Variants in ARHGEF7 observed in about 807,000 individuals in gnomAD.
ARHGEF7 encodes PAK-interacting exchange factor beta.
A neutral mutation model predicts 109.8 loss-of-function variants in ARHGEF7; 33 were observed. That is an observed-to-expected ratio of 0.30 (90% CI 0.23 to 0.40). The LOEUF is 0.40. ARHGEF7 is among the 10% of genes least tolerant of loss of function. The pLI is 1.00. For missense variants in ARHGEF7, 938 were observed against 1,098.5 expected, an observed-to-expected ratio of 0.85 and a Z score of 2.07; for synonymous variants, 458 against 424.6, an observed-to-expected ratio of 1.08 and a Z score of -0.97.
rs72670008 is a variant in ARHGEF7, at chr13:111,120,406, C to T, written c.165+4715C>T. Among the ~76,000 whole-genome samples the T allele has an allele frequency of 1.0e-3, 157 of 152,334 alleles. 1 individual carries two copies. Among genetic ancestry groups the T allele is most frequent in the Admixed American group, 1.7e-3 (26 of 15,306 alleles). On this transcript the variant is annotated intron_variant, in intron 1 of 21. Transcript: ENST00000646102. Reference sequence around the variant, plus strand: ...ACACTTGCACATGCATGTGCACACACGAACTTATGCACACACGCATGCATG... The same window carrying T: ...ACACTTGCACATGCATGTGCACACATGAACTTATGCACACACGCATGCATG...
At chr13:111,132,871 G>A (rs2074835215) in intron 1 of ARHGEF7, among the ~76,000 whole-genome samples, 1 of 151,798 alleles carries the variant, frequency 6.6e-6, no homozygotes, top group African/African-American at 2.4e-5. Context: ...GTTATTGGGA[G>A]TAGGGGTAGG....
intron 1 of ARHGEF7, among the ~76,000 whole-genome samples, chr13:111,133,221 G>A (rs2074871961): frequency 6.6e-6 from 1 of 151,680 alleles, no homozygotes; most frequent in Non-Finnish European, 1.5e-5. Context: ...GTATATATGT[G>A]TGCATTATAT....
rs140255792 is a variant in ARHGEF7, at chr13:111,283,321, C to T, written c.1908C>T (p.Pro636=). The T allele has an allele frequency of 2.0e-4, 318 of 1,561,848 alleles. No individual in the cohort carries two copies. In the African/African-American group the frequency reaches 3.5e-3, roughly 17 times the overall value. Residue 636 remains proline (P), a synonymous_variant, in exon 16 of 22, where the codon CCC becomes CCT. Coordinates refer to ENST00000646102, the MANE Select transcript of ARHGEF7 (RefSeq NM_001354046.2). ...PKPWSLSCLR[P]APPLRPSAAL... is the part of the protein sequence containing the mutation. ...CCTGGAGCCTGAGCTGCCTGCGGCCCGCGCCTCCCCTCCGGCCCTCAGCTG... is the reference window on the plus strand; with the variant it reads ...CCTGGAGCCTGAGCTGCCTGCGGCCTGCGCCTCCCCTCCGGCCCTCAGCTG...
intron 2 of ARHGEF7, 82 bp from the exon 3 acceptor site, chr13:111,205,207 G>A (rs1345088220): frequency 1.9e-6 from 2 of 1,072,860 alleles, no homozygotes; most frequent in Admixed American, 2.5e-5. Context: ...GCTGAGCATC[G>A]TCGCGTTGCT....
At chr13:111,188,368 C>T (rs1438174481) in intron 2 of ARHGEF7, among the ~76,000 whole-genome samples, 2 of 152,198 alleles carry the variant, frequency 1.3e-5, no homozygotes, top group South Asian at 2.1e-4. Flanking sequence ...GTTGTTTGGG[C>T]CACTGAGTTT....
At chr13:111,115,288 C>T (rs2066656519), upstream of ARHGEF7, 2 of 150,254 alleles carry the variant, frequency 1.3e-5, no homozygotes, top group Admixed American at 1.4e-4. Context: ...CGGCCGAGGC[C>T]GGGGGGCGGC....
chr13:111,179,800 A>G (rs2078561930), intron 2 of ARHGEF7, among the ~76,000 whole-genome samples: 1 of 152,204 alleles, frequency 6.6e-6, no homozygotes, highest in Non-Finnish European at 1.5e-5. Context: ...CAGTCTGGAC[A>G]TGATTTGGTT....
At chr13:111,202,078 T>C (rs1463427091) in intron 2 of ARHGEF7, among the ~76,000 whole-genome samples, 1 of 152,194 alleles carries the variant, frequency 6.6e-6, no homozygotes, top group Non-Finnish European at 1.5e-5. Flanking sequence ...CTATTGCACA[T>C]TTAATTCACT....
At chr13:111,261,228 C>G (rs1386280329) in intron 8 of ARHGEF7, among the ~76,000 whole-genome samples, 1 of 151,326 alleles carries the variant, frequency 6.6e-6, no homozygotes, top group Non-Finnish European at 1.5e-5. Flanking sequence ...AGACAAAAAA[C>G]CCAATGATCT....
At chr13:111,296,465 G>T (rs1595617582) in intron 19 of ARHGEF7, among the ~76,000 whole-genome samples, 1 of 152,036 alleles carries the variant, frequency 6.6e-6, no homozygotes, top group Non-Finnish European at 1.5e-5. Context: ...CAGACACCGA[G>T]CATCTACAGG....
rs550206820 is a variant in ARHGEF7 at position 111,202,070 on chromosome 13, A to G, written c.253-3219A>G. 3.2e-4 allele frequency among the ~76,000 whole-genome samples: 48 copies of G among 152,320 alleles called. 1 individual carries two copies. In the South Asian group the frequency reaches 3.7e-3, roughly 12 times the overall value. On this transcript the variant is annotated intron_variant, in intron 2 of 21. Transcript: ENST00000646102. ...CATTTTGGGAGTATCGGATCATTCT[A>G]TTGCACATTTAATTCACTTAAATGT...
intron 19 of ARHGEF7, among the ~76,000 whole-genome samples, chr13:111,297,411 A>G (rs1317649962): frequency 1.3e-5 from 2 of 152,208 alleles, no homozygotes; most frequent in East Asian, 1.9e-4. Context: ...TCCTTCTCGC[A>G]TGCTTTAAGT....
chr13:111,135,411 A>T (rs1389043967), intron 1 of ARHGEF7, among the ~76,000 whole-genome samples: 11 of 152,124 alleles, frequency 7.2e-5, no homozygotes, highest in Non-Finnish European at 7.4e-5. Context: ...TTTTCACAAT[A>T]TTGATTCTTC....
chr13:111,165,040 G>A (rs1225180663), intron 2 of ARHGEF7, among the ~76,000 whole-genome samples: 2 of 152,128 alleles, frequency 1.3e-5, no homozygotes, highest in African/African-American at 4.8e-5. Flanking sequence ...ATGGGAAGTC[G>A]GAGTCAGCTT....
intron 2 of ARHGEF7, among the ~76,000 whole-genome samples, chr13:111,169,146 T>C (rs957042607): frequency 2.0e-5 from 3 of 152,222 alleles, no homozygotes; most frequent in Non-Finnish European, 2.9e-5. Flanking sequence ...TGTACTAGTT[T>C]ACTTAATCCT....
At chr13:111,118,609 T>A (rs35068927) in intron 1 of ARHGEF7, among the ~76,000 whole-genome samples, 14,972 of 152,180 alleles carry the variant, frequency 0.098, 764 homozygotes, top group Non-Finnish European at 0.11. Context: ...GGTCATGACG[T>A]CTAGGGAGCC....
intron 5 of ARHGEF7, among the ~76,000 whole-genome samples, chr13:111,221,559 C>CTA (rs199557072): frequency 1.9e-5 from 1 of 52,804 alleles, no homozygotes; most frequent in Admixed American, 2.7e-4. Context: ...ATCTATATAT[C>CTA]TATATATATA....
rs1231036810 is a variant in ARHGEF7 at position 111,209,965 on chromosome 13, G to A, written c.431G>A (p.Arg144Gln). ...CTTGGATCACAGTCTTTGCACACTC[G>A]GACTTCAAAACTGTTCCAGGGCCAG... is the stretch of plus-strand genomic sequence containing the variant. ...DSLGSQSLHT[R>Q]TSKLFQGQYR... Residue 144 changes from arginine (R) to glutamine (Q), a missense_variant, in exon 4 of 22, where the codon CGG (arginine) becomes CAG (glutamine). By Grantham distance (43) the Arg-to-Gln change is conservative. This residue lies in a region of ARHGEF7 where 585 missense variants were observed against 723.6 expected (regional missense o/e 0.81). Transcript: ENST00000646102. 3.7e-6 allele frequency: 6 copies of A among 1,614,052 alleles called. No individual in the cohort carries two copies. Among genetic ancestry groups the A allele is most frequent in the South Asian group, 2.2e-5 (2 of 91,078 alleles).
chr13:111,132,982 GTATA>G (rs937964536), intron 1 of ARHGEF7, among the ~76,000 whole-genome samples: 2 of 152,030 alleles, frequency 1.3e-5, no homozygotes, highest in Admixed American at 6.5e-5. Context: ...GTACACACAT[GTATA>G]TATACACGTA....
Sources: allele counts gnomAD v4.1 joint callset (sites outside exome capture counted in the v4.1 genomes callset), GRCh38; gene constraint gnomAD v4.1.1; regional missense constraint gnomAD v4.1.1; transcripts MANE v1.5; gene names NCBI Gene and HGNC (gene_info 2026-07-23, HGNC 2026-07-21).